The following CACNB2 variants were observed in gnomAD, a reference collection of about 807,000 sequenced individuals.
CACNB2 encodes voltage-dependent L-type calcium channel subunit beta-2.
Under a neutral mutation model 73.3 loss-of-function variants are expected in CACNB2, and 42 were observed. The ratio of observed to expected loss-of-function variants is 0.57; its 90% CI spans 0.45 to 0.74. The LOEUF is 0.74. CACNB2 is among the 30% of genes least tolerant of loss of function. CACNB2 has a pLI of 0.00. For synonymous variants in CACNB2, 348 were observed against 310.3 expected, an observed-to-expected ratio of 1.12 and a Z score of -1.28; for missense variants, 940 against 853.0, an observed-to-expected ratio of 1.10 and a Z score of -1.27.
At chr10:18,537,670 G>C (rs2053733425) in intron 12 of CACNB2, among the ~76,000 whole-genome samples, 1 of 152,028 alleles carries the variant, frequency 6.6e-6, no homozygotes, top group Non-Finnish European at 1.5e-5. Flanking sequence ...CCAGCTACTT[G>C]AGAAGCTGAG....
intron 2 of CACNB2, among the ~76,000 whole-genome samples, chr10:18,372,155 C>G (rs546647735): frequency 1.1e-4 from 17 of 152,096 alleles, no homozygotes; most frequent in Admixed American, 9.2e-4. Context: ...CTGTAGGTTG[C>G]CTGTTCACTC....
chr10:18,381,783 T>C (rs1322801163), intron 2 of CACNB2, among the ~76,000 whole-genome samples: 1 of 151,958 alleles, frequency 6.6e-6, no homozygotes, highest in African/African-American at 2.4e-5. Flanking sequence ...GAGTGTTGTG[T>C]TCGTATATTA....
intron 2 of CACNB2, chr10:18,340,625 T>C: frequency 1.6e-6 from 2 of 1,243,148 alleles, no homozygotes; most frequent in South Asian, 3.6e-5. Flanking sequence ...GCGTCTGTCT[T>C]CCAAGCCAGC....
rs571685254 is a variant in CACNB2, at chr10:18,361,372, G to T, written c.214-40552G>T. The stretch of plus-strand genomic sequence containing the variant: ...AAAATAGCTGTGCATGATGGTGCAT[G>T]CTTGAAGTCCCAGCAACTTGGGAGG... On this transcript the variant is annotated intron_variant, in intron 2 of 13. Transcript: ENST00000324631. Among the ~76,000 whole-genome samples, 6 of 151,356 alleles carry T rather than the reference G, an allele frequency of 4.0e-5. No individual in the cohort carries two copies. In the East Asian group the frequency reaches 1.2e-3, roughly 30 times the overall value.
chr10:18,214,147 A>AACTGTATGGCGTGGCAACAGCTGGTCG (rs2035423197), intron 2 of CACNB2, among the ~76,000 whole-genome samples: 4 of 104,636 alleles, frequency 3.8e-5, no homozygotes, highest in African/African-American at 1.1e-4. Flanking sequence ...TAGAAGTATA[A>AACTGTATGGCGTGGCAACAGCTGGTCG]GTTCTTCTGA....
At chr10:18,311,707 G>A (rs910402117) in intron 2 of CACNB2, among the ~76,000 whole-genome samples, 5 of 152,218 alleles carry the variant, frequency 3.3e-5, no homozygotes, top group Admixed American at 2.0e-4. Context: ...CTAAGGAAGA[G>A]GAGGGGTTGG....
At chr10:18,536,779 G>A (rs776973614) in intron 12 of CACNB2, among the ~76,000 whole-genome samples, 2 of 152,130 alleles carry the variant, frequency 1.3e-5, no homozygotes, top group Non-Finnish European at 2.9e-5. Context: ...ACAAGATCCT[G>A]GTTCCGAAAA....
intron 2 of CACNB2, among the ~76,000 whole-genome samples, chr10:18,360,649 A>G (rs549719242): frequency 3.9e-5 from 6 of 152,200 alleles, no homozygotes; most frequent in Non-Finnish European, 7.3e-5. Context: ...ACAGAACTTT[A>G]AGTGGCAGCT....
intron 3 of CACNB2, among the ~76,000 whole-genome samples, chr10:18,406,447 C>G (rs935791102): frequency 6.6e-6 from 1 of 152,210 alleles, no homozygotes; most frequent in African/African-American, 2.4e-5. Flanking sequence ...CACATAACCA[C>G]CTGAGCTCCG....
At chr10:18,222,251 A>G (rs2035822303) in intron 2 of CACNB2, among the ~76,000 whole-genome samples, 1 of 152,204 alleles carries the variant, frequency 6.6e-6, no homozygotes, top group Non-Finnish European at 1.5e-5. Flanking sequence ...CTGTAGGACA[A>G]ATGACCAGTT....
intron 2 of CACNB2, among the ~76,000 whole-genome samples, chr10:18,393,201 A>AAC (rs1177211802): frequency 1.4e-5 from 1 of 70,258 alleles, no homozygotes; most frequent in African/African-American, 4.5e-5. Flanking sequence ...TCCATGTCAA[A>AAC]AAAAAAAAAA....
chr10:18,501,691 A>G (rs4748473), intron 5 of CACNB2, among the ~76,000 whole-genome samples: 5,011 of 152,312 alleles, frequency 0.033, 219 homozygotes, highest in South Asian at 0.15. Context: ...TTAAATACGA[A>G]TCGCTGGATT....
chr10:18,525,710 CTTTA>C (rs1232349544), intron 9 of CACNB2, among the ~76,000 whole-genome samples: 1 of 152,052 alleles, frequency 6.6e-6, no homozygotes, highest in Non-Finnish European at 1.5e-5. Flanking sequence ...CCTCTGTCTT[CTTTA>C]TTATCTTTTT....
chr10:18,308,771 C>A (rs1009164841), intron 2 of CACNB2, among the ~76,000 whole-genome samples: 2 of 152,174 alleles, frequency 1.3e-5, no homozygotes, highest in African/African-American at 2.4e-5. Context: ...ATACGGTATG[C>A]CTGACACCTT....
intron 1 of CACNB2, among the ~76,000 whole-genome samples, chr10:18,146,648 T>C (rs1490399792): frequency 6.6e-6 from 1 of 152,068 alleles, no homozygotes; most frequent in East Asian, 1.9e-4. Context: ...TGGCGAATTT[T>C]TTTGTATTTT....
At chr10:18,440,018 A>G (rs1234251446) in intron 3 of CACNB2, among the ~76,000 whole-genome samples, 1 of 152,188 alleles carries the variant, frequency 6.6e-6, no homozygotes, top group African/African-American at 2.4e-5. Context: ...AACAATAGGA[A>G]TTTATTGATC....
intron 2 of CACNB2, among the ~76,000 whole-genome samples, chr10:18,229,752 T>A (rs751400362): frequency 1.3e-5 from 2 of 152,218 alleles, no homozygotes; most frequent in African/African-American, 4.8e-5. Flanking sequence ...TTTATAGTTA[T>A]GTTTGTCAAT....
At chr10:18,162,990 CA>C (rs370811605) in intron 2 of CACNB2, among the ~76,000 whole-genome samples, 8 of 152,134 alleles carry the variant, frequency 5.3e-5, no homozygotes, top group African/African-American at 1.7e-4. Flanking sequence ...TGGATGGGTG[CA>C]TGGAGTTTGG....
intron 2 of CACNB2, among the ~76,000 whole-genome samples, chr10:18,338,295 A>G (rs1308004049): frequency 6.6e-6 from 1 of 152,244 alleles, no homozygotes; most frequent in African/African-American, 2.4e-5. Context: ...ACTCTGGCCA[A>G]CAAATATATG....
Sources: allele counts gnomAD v4.1 joint callset (sites outside exome capture counted in the v4.1 genomes callset), GRCh38; gene constraint gnomAD v4.1.1; transcripts MANE v1.5; gene names NCBI Gene and HGNC (gene_info 2026-07-23, HGNC 2026-07-21).